The following CNPY2 variants were observed in gnomAD, a reference collection of about 807,000 sequenced individuals.
CNPY2 encodes the protein canopy FGF signaling regulator 2.
A neutral mutation model predicts 25.5 loss-of-function variants in CNPY2; 19 were observed. The observed-to-expected ratio is 0.74, with a 90% CI of 0.52 to 1.09. The LOEUF (loss-of-function observed/expected upper bound fraction) is 1.09, where lower values mean the gene tolerates loss of function less well. Among genes scored for constraint, CNPY2 ranks in the 50% least tolerant of loss-of-function variants. The pLI, the probability that CNPY2 is intolerant of heterozygous loss-of-function variation, is 0.00. For missense variants in CNPY2, 214 were observed against 233.6 expected, an observed-to-expected ratio of 0.92 and a Z score of 0.55; for synonymous variants, 82 against 85.0, an observed-to-expected ratio of 0.96 and a Z score of 0.19.
chr12:56,310,274 G>T lies in CNPY2; in HGVS notation c.*278C>A. Reference sequence around the variant, plus strand: ...AGTTTATGAGTGGAGTGGAATCTCAGAAGGTAGAAGAATTAAAGGTTCAGG... The same window carrying T: ...AGTTTATGAGTGGAGTGGAATCTCATAAGGTAGAAGAATTAAAGGTTCAGG... On this transcript the variant is annotated 3_prime_UTR_variant, in exon 6 of 6. Coordinates refer to ENST00000273308, the MANE Select transcript of CNPY2 (RefSeq NM_014255.7). 4 of 597,446 alleles carry T rather than the reference G, an allele frequency of 6.7e-6. No homozygotes were observed. The highest frequency in any genetic ancestry group is 2.7e-5 in the East Asian group (1 of 36,382). The allele number at this position is 597,446 out of a possible 1,614,324, so 37.0% of individuals were successfully genotyped here.
chr12:56,310,999 T>G lies in CNPY2; in HGVS notation c.464A>C (p.Glu155Ala). The change falls in exon 5 of 6, where the codon GAG becomes GCG. Residue 155 changes from glutamate (E) to alanine (A), a missense_variant. Coordinates refer to ENST00000273308, the MANE Select transcript of CNPY2 (RefSeq NM_014255.7). Reference protein sequence around the residue: ...EDELIEFFSREADNVKDKLCS... With the variant: ...EDELIEFFSRAADNVKDKLCS... ...AAGTTTGTCTTTAACATTGTCAGCC[T>G]CTCGGGAAAAGAATTCAATGAGTTC... is the stretch of plus-strand genomic sequence containing the variant. 1 of 1,614,180 alleles carries G rather than the reference T, an allele frequency of 6.2e-7. No homozygotes were observed.
chr12:56,312,222 C>CTTTTTTTTTTTT lies in CNPY2; in HGVS notation c.205-820_205-809dup, dbSNP rs56822059. On this transcript the variant is annotated intron_variant, in intron 3 of 5. Transcript: ENST00000273308. ...TTTACTTGATAGTTTCAAAGTACTT[C>CTTTTTTTTTTTT]TTTTTTTTTTTTTTTTTTTTTTTTT... 3.3e-3 allele frequency among the ~76,000 whole-genome samples: 447 copies of CTTTTTTTTTTTT among 135,784 alleles called. 12 individuals are homozygous for CTTTTTTTTTTTT. Among genetic ancestry groups the CTTTTTTTTTTTT allele is most frequent in the Non-Finnish European group, 5.5e-3 (358 of 64,976 alleles). The allele number at this position is 135,784 out of a possible 152,430, so 89.1% of individuals were successfully genotyped here. A position where few individuals can be genotyped will look rare whatever the true frequency, so the allele number is the denominator to read the frequency against.
In CNPY2 at chr12:56,310,046, G is replaced by T. The variant is rs1270015821; in HGVS notation, c.*506C>A. ...TCCCTCCATCTGGATGGGCAGGGAA[G>T]GAAGAATAATGCATATCCGTTATTT... On this transcript the variant is annotated 3_prime_UTR_variant, in exon 6 of 6. Transcript: ENST00000273308. The T allele has an allele frequency of 2.9e-6, 2 of 699,064 alleles. No individual in the cohort carries two copies. Among genetic ancestry groups the T allele is most frequent in the Non-Finnish European group, 5.2e-6 (2 of 383,458 alleles). 43.3% of individuals were successfully genotyped at this position (699,064 alleles called of 1,614,324 possible). A position where few individuals can be genotyped will look rare whatever the true frequency, so the allele number is the denominator to read the frequency against.
chr12:56,310,516 G>T lies in CNPY2; in HGVS notation c.*36C>A, dbSNP rs753316666. On this transcript the variant is annotated 3_prime_UTR_variant, in exon 6 of 6. Coordinates refer to ENST00000273308, the MANE Select transcript of CNPY2 (RefSeq NM_014255.7). The stretch of plus-strand genomic sequence containing the variant: ...TTGCCACCATTTTCCCCTCCTGGGG[G>T]TGATCCATCAAGCCAGTGTGGGCTG... The T allele has an allele frequency of 1.2e-6, 2 of 1,608,466 alleles. No individual in the cohort carries two copies. The highest frequency in any genetic ancestry group is 2.2e-5 in the East Asian group (1 of 44,862).
At chr12:56,314,451 T>C in intron 3 of CNPY2, 1 of 1,102,816 alleles carries the variant, frequency 9.1e-7, no homozygotes, top group South Asian at 2.5e-5. Context: ...ACATGTGTGT[T>C]GTTTTCGATT....
intron 2 of CNPY2, 52 bp from the exon 3 acceptor site, chr12:56,315,018 TGAG>T: frequency 2.5e-6 from 4 of 1,605,638 alleles, no homozygotes; most frequent in South Asian, 1.1e-5. Flanking sequence ...GGGTAGGGTG[TGAG>T]GAGAATGGGA....
intron 2 of CNPY2, 79 bp downstream of exon 2, chr12:56,315,051 C>G (rs894060224): frequency 6.3e-7 from 1 of 1,597,322 alleles, no homozygotes; most frequent in Non-Finnish European, 8.6e-7. Flanking sequence ...GATTTCCATT[C>G]ATCCTTCTCC....
In CNPY2 at chr12:56,311,416, T is replaced by C; in HGVS notation, c.205-2A>G. 1 of 1,614,152 alleles carries C rather than the reference T, an allele frequency of 6.2e-7. No homozygotes were observed. The highest frequency in any genetic ancestry group is 8.5e-7 in the Non-Finnish European group (1 of 1,179,984). ...GGCCTCTGAGCGGGCATAAGGCACC[T>C]AGAAATGTCCTCAGCCTTGGGTCAC... On this transcript the variant is annotated splice_acceptor_variant, in intron 3 of 5. Coordinates refer to ENST00000273308, the MANE Select transcript of CNPY2 (RefSeq NM_014255.7). LOFTEE classifies it high-confidence loss of function.
At position 56,310,939 on chromosome 12, in the gene CNPY2, T is replaced by C. The variant is rs973437283; in HGVS notation, c.505+19A>G. On this transcript the variant is annotated intron_variant, in intron 5 of 5. Transcript: ENST00000273308. ...TCCACAGAGCTACTAGAACAGGAGA[T>C]AAAGTGGGGGCAGCTTACCTGTTCG... The C allele has an allele frequency of 5.0e-6, 8 of 1,608,848 alleles. No homozygotes were observed. The highest frequency in any genetic ancestry group is 4.5e-5 in the East Asian group (2 of 44,858).
chr12:56,314,849 A>C lies in CNPY2; in HGVS notation c.204+2T>G. 6.2e-7 allele frequency: 1 copy of C among 1,614,160 alleles called. No homozygotes were observed. The highest frequency in any genetic ancestry group is 2.2e-5 in the East Asian group (1 of 44,888). ...TTTGTTTGGGGGAACAGTAACAGTT[A>C]CCTCCACCACTGACTGGCTGCCATC... On this transcript the variant is annotated splice_donor_variant, in intron 3 of 5. Transcript: ENST00000273308. LOFTEE classifies it high-confidence loss of function.
intron 3 of CNPY2, chr12:56,314,501 T>C (rs897566833): frequency 8.7e-7 from 1 of 1,145,372 alleles, no homozygotes; most frequent in Non-Finnish European, 1.1e-6. Flanking sequence ...TTTATTCTTA[T>C]TTCTGTTTTT....
intron 5 of CNPY2, 64 bp downstream of exon 5, chr12:56,310,894 T>G: frequency 2.1e-6 from 3 of 1,429,522 alleles, no homozygotes; most frequent in Non-Finnish European, 2.9e-6. Flanking sequence ...GGTGTATGGG[T>G]GAGTTAGGGA....
intron 3 of CNPY2, among the ~76,000 whole-genome samples, chr12:56,313,198 A>G (rs971163297): frequency 2.6e-5 from 4 of 151,878 alleles, no homozygotes; most frequent in African/African-American, 9.7e-5. Context: ...GTTCATTAAT[A>G]TTTTATTTTT....
rs1186456810 is a variant in CNPY2, at chr12:56,310,166, G to A, written c.*386C>T. The A allele has an allele frequency of 6.6e-6, 4 of 607,272 alleles. No homozygotes were observed. The highest frequency in any genetic ancestry group is 1.9e-5 in the African/African-American group (1 of 53,978). 37.6% of individuals were successfully genotyped at this position (607,272 alleles called of 1,614,324 possible). A position where few individuals can be genotyped will look rare whatever the true frequency, so the allele number is the denominator to read the frequency against. On this transcript the variant is annotated 3_prime_UTR_variant, in exon 6 of 6. Transcript: ENST00000273308. Reference sequence around the variant, plus strand: ...ACACTACCATACACTATGTTCCCCTGCTTCCTCATGGAGGTTCCTCTATTC... The same window carrying A: ...ACACTACCATACACTATGTTCCCCTACTTCCTCATGGAGGTTCCTCTATTC...
chr12:56,311,659 C>T, intron 3 of CNPY2: 2 of 463,368 alleles, frequency 4.3e-6, no homozygotes, highest in Non-Finnish European at 8.1e-6. Context: ...TCAAGTGATT[C>T]TCCTGCCTCA....
rs760669679 is a variant in CNPY2 at position 56,315,151 on chromosome 12, T to A, written c.67A>T (p.Ser23Cys). The change falls in exon 2 of 6, where the codon AGC becomes TGC. Residue 23 changes from serine to cysteine, a missense_variant. Transcript: ENST00000273308. The part of the protein sequence containing the change: ...ALLGTAWARR[S>C]QDLHCGACRA... ...TTACCTCCACAGTGGAGATCCTGGCTCCTCCGAGCCCAGGCGGTTCCCAGC... is the reference window on the plus strand; with the variant it reads ...TTACCTCCACAGTGGAGATCCTGGCACCTCCGAGCCCAGGCGGTTCCCAGC... 2.5e-6 allele frequency: 4 copies of A among 1,614,042 alleles called. No individual in the cohort carries two copies. Among genetic ancestry groups the A allele is most frequent in the Non-Finnish European group, 3.4e-6 (4 of 1,179,956 alleles).
At position 56,311,046 on chromosome 12, in the gene CNPY2, G is replaced by C; in HGVS notation, c.417C>G (p.Ser139Arg). 1 of 1,614,032 alleles carries C rather than the reference G, an allele frequency of 6.2e-7. No individual in the cohort carries two copies. The highest frequency in any genetic ancestry group is 8.5e-7 in the Non-Finnish European group (1 of 1,180,000). ...GTTCATCCTCGTATTCCTCCACAAT[G>C]CTCTCACACTGCCAACCCAAGGGAG... is the stretch of plus-strand genomic sequence containing the variant. ...ISGTLKFACE[S>R]IVEEYEDELI... The change falls in exon 5 of 6, where the codon AGC (serine) becomes AGG (arginine). Residue 139 changes from serine to arginine, a missense_variant. Transcript: ENST00000273308.
In CNPY2 at chr12:56,310,156, A is replaced by G. The variant is rs1873676567; in HGVS notation, c.*396T>C. 12 of 609,102 alleles carry G rather than the reference A, an allele frequency of 2.0e-5. No individual in the cohort carries two copies. Among genetic ancestry groups the G allele is most frequent in the Non-Finnish European group, 8.7e-6 (3 of 344,132 alleles). 37.7% of individuals were successfully genotyped at this position (609,102 alleles called of 1,614,324 possible). A position where few individuals can be genotyped will look rare whatever the true frequency, so the allele number is the denominator to read the frequency against. ...CTAGAATTCTACACTACCATACACT[A>G]TGTTCCCCTGCTTCCTCATGGAGGT... On this transcript the variant is annotated 3_prime_UTR_variant, in exon 6 of 6. Transcript: ENST00000273308.
intron 3 of CNPY2, 184 bp downstream of exon 3, chr12:56,314,667 G>A: frequency 1.4e-6 from 2 of 1,450,666 alleles, no homozygotes; most frequent in Non-Finnish European, 1.8e-6. Context: ...AAAGTATTAA[G>A]GTTTGCAGCC....
Sources: gnomAD v4.1 joint callset for allele counts (sites outside exome capture counted in the v4.1 genomes callset) on GRCh38, gnomAD v4.1.1 for gene constraint, MANE v1.5 for transcripts, NCBI Gene and HGNC (gene_info 2026-07-23, HGNC 2026-07-21) for gene names.